The following SLC44A5 variants were observed in gnomAD, a reference collection of about 807,000 sequenced individuals.
SLC44A5 encodes the protein solute carrier family 44 member 5, also known as choline transporter-like protein 5.
In SLC44A5, 57 loss-of-function variants were observed where a neutral mutation model predicts 101.8. The observed-to-expected ratio is 0.56, with a 90% confidence interval of 0.45 to 0.70. The LOEUF is 0.70. Among genes scored for constraint, SLC44A5 ranks in the 30% least tolerant of loss-of-function variants. SLC44A5 has a pLI of 0.00. For synonymous variants in SLC44A5, 281 were observed against 290.9 expected (o/e 0.97, Z 0.35); for missense variants, 737 against 853.1 (o/e 0.86, Z 1.70).
At chr1:75,326,262 C>T (rs1241349364) in intron 4 of SLC44A5, among the ~76,000 whole-genome samples, 1 of 144,058 alleles carries the variant, frequency 6.9e-6, no homozygotes, top group African/African-American at 2.6e-5. Context: ...ATTCTTACTG[C>T]TTTTTTTTTT....
chr1:75,612,339 G>T (rs1316363726), upstream of SLC44A5, among the ~76,000 whole-genome samples: 3 of 152,018 alleles, frequency 2.0e-5, no homozygotes, highest in African/African-American at 7.2e-5. Context: ...GACCAAAAAG[G>T]CCTGGCTTCT....
chr1:75,647,239 G>A, the SLC44A5 span, among the ~76,000 whole-genome samples: 1 of 152,184 alleles, frequency 6.6e-6, no homozygotes, highest in African/African-American at 2.4e-5. Flanking sequence ...CCAAGCCTTG[G>A]CCACTTGCAA....
the SLC44A5 span, among the ~76,000 whole-genome samples, chr1:75,631,231 A>C: frequency 6.6e-6 from 1 of 152,214 alleles, no homozygotes; most frequent in East Asian, 1.9e-4. Flanking sequence ...AAAGTTCAAC[A>C]TGAATGGTCT....
chr1:75,359,720 A>G (rs774014313), intron 3 of SLC44A5, among the ~76,000 whole-genome samples: 1 of 152,062 alleles, frequency 6.6e-6, no homozygotes, highest in Non-Finnish European at 1.5e-5. Flanking sequence ...TGGTAATTCT[A>G]TTTTTGGTTT....
intron 2 of SLC44A5, among the ~76,000 whole-genome samples, chr1:75,416,796 C>A (rs1663676817): frequency 1.3e-5 from 2 of 152,186 alleles, no homozygotes; most frequent in Admixed American, 6.5e-5. Flanking sequence ...ATTTGACTAC[C>A]CTGTTGGATT....
At chr1:75,257,734 AAG>A (rs896599198) in intron 6 of SLC44A5, among the ~76,000 whole-genome samples, 1 of 152,132 alleles carries the variant, frequency 6.6e-6, no homozygotes, top group African/African-American at 2.4e-5. Flanking sequence ...CCTGAGGTCT[AAG>A]AAGAAACAGC....
At chr1:75,251,114 GCA>G in intron 7 of SLC44A5, 94 bp downstream of exon 7, 1 of 898,986 alleles carries the variant, frequency 1.1e-6, no homozygotes, top group Admixed American at 2.2e-5. Context: ...CCCTGCCCAC[GCA>G]CACACACAGA....
chr1:75,578,671 C>T (rs959219702), intron 1 of SLC44A5, among the ~76,000 whole-genome samples: 8 of 151,962 alleles, frequency 5.3e-5, no homozygotes, highest in Non-Finnish European at 1.0e-4. Context: ...TCAAAGGGTG[C>T]AAAGTTTCAG....
At chr1:75,248,975 A>C (rs1649343872) in intron 7 of SLC44A5, among the ~76,000 whole-genome samples, 1 of 152,144 alleles carries the variant, frequency 6.6e-6, no homozygotes, top group South Asian at 2.1e-4. Flanking sequence ...GGTTAGGATC[A>C]GTGGTTTGCA....
At chr1:75,508,530 C>T (rs541877336) in intron 2 of SLC44A5, among the ~76,000 whole-genome samples, 2 of 151,798 alleles carry the variant, frequency 1.3e-5, no homozygotes, top group South Asian at 4.2e-4. Context: ...TATTGAGACA[C>T]AAAAATCCAT....
intron 9 of SLC44A5, 87 bp from the exon 10 acceptor site, chr1:75,238,723 T>G (rs1314619367): frequency 9.0e-6 from 8 of 887,404 alleles, no homozygotes; most frequent in Non-Finnish European, 1.3e-5. Flanking sequence ...CTGTTATATA[T>G]AATCAAATTC....
At chr1:75,515,626 G>A (rs1477990683) in intron 2 of SLC44A5, among the ~76,000 whole-genome samples, 1 of 152,196 alleles carries the variant, frequency 6.6e-6, no homozygotes, top group Non-Finnish European at 1.5e-5. Context: ...CTTTAAGGCT[G>A]AACACTTATT....
chr1:75,215,893 T>C, intron 18 of SLC44A5, 36 bp from the exon 19 acceptor site: 1 of 1,127,882 alleles, frequency 8.9e-7, no homozygotes, highest in Non-Finnish European at 1.3e-6. Flanking sequence ...ATTAATGATT[T>C]GCAGCTGAAC....
chr1:75,294,581 A>G (rs964809602), intron 5 of SLC44A5, among the ~76,000 whole-genome samples: 1 of 152,168 alleles, frequency 6.6e-6, no homozygotes, highest in Non-Finnish European at 1.5e-5. Flanking sequence ...AATCAATTTA[A>G]GTATCGATCA....
the SLC44A5 span, among the ~76,000 whole-genome samples, chr1:75,668,976 A>G: frequency 1.2e-4 from 18 of 151,614 alleles, no homozygotes; most frequent in East Asian, 7.8e-4. Flanking sequence ...ACCGAACTAC[A>G]GTCTAGGTGA....
intron 2 of SLC44A5, among the ~76,000 whole-genome samples, chr1:75,511,133 A>G (rs1669551190): frequency 6.6e-6 from 1 of 152,022 alleles, no homozygotes; most frequent in Admixed American, 6.6e-5. Context: ...ACGGAGCGAG[A>G]CTCCGTCTCA....
chr1:75,264,920 A>T (rs963485653), intron 6 of SLC44A5, among the ~76,000 whole-genome samples: 1 of 152,156 alleles, frequency 6.6e-6, no homozygotes. Flanking sequence ...ATAAAATCAA[A>T]AATAAAAGAG....
chr1:75,395,519 A>G (rs1385340318), intron 3 of SLC44A5, among the ~76,000 whole-genome samples: 1 of 152,194 alleles, frequency 6.6e-6, no homozygotes, highest in African/African-American at 2.4e-5. Flanking sequence ...GGAATTTTGA[A>G]ACTGTAAAAT....
At chr1:75,560,425 CA>C (rs1003799568) in intron 1 of SLC44A5, among the ~76,000 whole-genome samples, 4 of 152,054 alleles carry the variant, frequency 2.6e-5, no homozygotes, top group African/African-American at 9.7e-5. Flanking sequence ...CTAGGATTGG[CA>C]GGAGGTTGGA....
Sources: allele counts gnomAD v4.1 joint callset (sites outside exome capture counted in the v4.1 genomes callset), GRCh38; gene constraint gnomAD v4.1.1; transcripts MANE v1.5; gene names NCBI Gene and HGNC (gene_info 2026-07-23, HGNC 2026-07-21).